The following IFRD1 variants were observed in gnomAD, a reference collection of about 807,000 sequenced individuals.
The protein encoded by IFRD1 is interferon related developmental regulator 1, also known as interferon-related developmental regulator 1.
In IFRD1, 35 loss-of-function variants were observed where a neutral mutation model predicts 52.9. That is an observed-to-expected ratio of 0.66 (90% confidence interval 0.51 to 0.88). The LOEUF (loss-of-function observed/expected upper bound fraction) is 0.88. Among genes scored for constraint, IFRD1 ranks in the 40% least tolerant of loss-of-function variants. The pLI, the probability that IFRD1 is intolerant of heterozygous loss-of-function variation, is 0.00. For synonymous variants in IFRD1, 184 were observed against 188.4 expected, an observed-to-expected ratio of 0.98 and a Z score of 0.19; for missense variants, 517 against 550.8, an observed-to-expected ratio of 0.94 and a Z score of 0.61.
chr7:112,464,321 G>C (rs1795555617), intron 8 of IFRD1, among the ~76,000 whole-genome samples: 1 of 151,838 alleles, frequency 6.6e-6, no homozygotes, highest in Non-Finnish European at 1.5e-5. Flanking sequence ...TGAATGAGTT[G>C]GTTAAATAAT....
chr7:112,457,974 GA>G (rs1316831050), intron 4 of IFRD1: 1 of 152,042 alleles, frequency 6.6e-6, no homozygotes, highest in East Asian at 1.9e-4. Flanking sequence ...ATAGAATAAA[GA>G]AAGGCCTAGG....
chr7:112,429,044 C>T (rs975974840), intron 1 of IFRD1, among the ~76,000 whole-genome samples: 23 of 152,346 alleles, frequency 1.5e-4, no homozygotes, highest in African/African-American at 5.5e-4. Context: ...TTTGACCTGT[C>T]TGTCCAAAAG....
At chr7:112,457,208 TG>T (rs1438564995) in intron 4 of IFRD1, 170 bp downstream of exon 4, 6 of 705,534 alleles carry the variant, frequency 8.5e-6, no homozygotes, top group Non-Finnish European at 1.5e-5. Flanking sequence ...GTTAGAACTT[TG>T]TTTTTGTATT....
At chr7:112,454,825 G>A (rs1795246346) in intron 1 of IFRD1, among the ~76,000 whole-genome samples, 1 of 146,462 alleles carries the variant, frequency 6.8e-6, no homozygotes, top group Non-Finnish European at 1.5e-5. Flanking sequence ...TTGAAATCAT[G>A]GTCTAGAAAT....
At chr7:112,475,266 C>T (rs551252456) in intron 11 of IFRD1, among the ~76,000 whole-genome samples, 164 bp from the exon 12 acceptor site, 1 of 152,194 alleles carries the variant, frequency 6.6e-6, no homozygotes, top group South Asian at 2.1e-4. Flanking sequence ...CCCCTGTTAA[C>T]TCTTTGTTTT....
chr7:112,437,856 T>C (rs1261988981), intron 1 of IFRD1, among the ~76,000 whole-genome samples: 1 of 152,024 alleles, frequency 6.6e-6, no homozygotes, highest in Non-Finnish European at 1.5e-5. Context: ...CTTGGTAGTT[T>C]CAGTAGGAAG....
At chr7:112,461,598 A>G (rs2708610) in intron 5 of IFRD1, 146,781 of 234,090 alleles carry the variant, frequency 0.63, 48,300 homozygotes, top group Middle Eastern at 0.74. Context: ...TTTTGATTTT[A>G]TGGATCAATA....
upstream of IFRD1, among the ~76,000 whole-genome samples, chr7:112,448,313 T>C (rs1795074530): frequency 6.6e-6 from 1 of 152,188 alleles, no homozygotes. Flanking sequence ...ACTAAGTGGA[T>C]GTGAAGGGAT....
intron 1 of IFRD1, among the ~76,000 whole-genome samples, chr7:112,430,116 G>A (rs970837098): frequency 2.6e-5 from 4 of 152,198 alleles, no homozygotes; most frequent in Admixed American, 6.5e-5. Flanking sequence ...AGGACTTGGA[G>A]CTGCCCACTC....
chr7:112,463,837 T>TAC (rs764488057), intron 8 of IFRD1, among the ~76,000 whole-genome samples: 7 of 143,536 alleles, frequency 4.9e-5, no homozygotes, highest in South Asian at 2.2e-4. Flanking sequence ...CATATACATA[T>TAC]ATATACACAT....
At chr7:112,465,712 G>T (rs1000186879) in intron 8 of IFRD1, among the ~76,000 whole-genome samples, 1 of 152,108 alleles carries the variant, frequency 6.6e-6, no homozygotes, top group Non-Finnish European at 1.5e-5. Flanking sequence ...GCCTGAGGTT[G>T]TATAGATCTA....
At chr7:112,460,590 A>G (rs1795411706) in intron 5 of IFRD1, among the ~76,000 whole-genome samples, 1 of 152,080 alleles carries the variant, frequency 6.6e-6, no homozygotes, top group Admixed American at 6.6e-5. Flanking sequence ...CATCAAAAGG[A>G]ACGATGTAGC....
intron 5 of IFRD1, among the ~76,000 whole-genome samples, chr7:112,460,391 T>A (rs1475202913): frequency 6.6e-6 from 1 of 151,742 alleles, no homozygotes; most frequent in Non-Finnish European, 1.5e-5. Flanking sequence ...ACTATAGGCA[T>A]GTACCACCAT....
intron 8 of IFRD1, chr7:112,467,728 G>T: frequency 2.2e-6 from 1 of 450,848 alleles, no homozygotes; most frequent in Admixed American, 3.4e-5. Context: ...AGAAATATTT[G>T]TTGGATGCAT....
chr7:112,436,705 ATAT>A (rs777022108), intron 1 of IFRD1, among the ~76,000 whole-genome samples: 46 of 152,264 alleles, frequency 3.0e-4, no homozygotes, highest in Non-Finnish European at 6.2e-4. Context: ...GGCAATGCAA[ATAT>A]TATTATTTCA....
chr7:112,459,210 T>C (rs1795371207), intron 5 of IFRD1, among the ~76,000 whole-genome samples, 192 bp downstream of exon 5: 1 of 152,174 alleles, frequency 6.6e-6, no homozygotes, highest in African/African-American at 2.4e-5. Flanking sequence ...CTACACACTG[T>C]ATTTTAACAA....
At chr7:112,437,749 G>T (rs117459860) in intron 1 of IFRD1, among the ~76,000 whole-genome samples, 1,873 of 151,810 alleles carry the variant, frequency 0.012, 15 homozygotes, top group Non-Finnish European at 0.017. Flanking sequence ...TCATGGAGAT[G>T]GTAATGGGAT....
intron 1 of IFRD1, among the ~76,000 whole-genome samples, chr7:112,443,634 G>C (rs1364817100): frequency 6.6e-6 from 1 of 152,004 alleles, no homozygotes; most frequent in Non-Finnish European, 1.5e-5. Flanking sequence ...CACTTTGGGA[G>C]GTCGAGGTGT....
chr7:112,451,804 G>A (rs1280960668), intron 1 of IFRD1, among the ~76,000 whole-genome samples: 2 of 152,080 alleles, frequency 1.3e-5, no homozygotes, highest in African/African-American at 4.8e-5. Flanking sequence ...AGTATTCTCC[G>A]ACGTTATCAC....
Sources: gnomAD v4.1 joint callset for allele counts (sites outside exome capture counted in the v4.1 genomes callset) on GRCh38, gnomAD v4.1.1 for gene constraint, MANE v1.5 for transcripts, NCBI Gene and HGNC (gene_info 2026-07-23, HGNC 2026-07-21) for gene names.